NIBAN2: variants seen among roughly 807,000 people sequenced by gnomAD.
NIBAN2 encodes protein Niban 2.
A neutral mutation model predicts 81.8 loss-of-function variants in NIBAN2; 36 were observed. The observed-to-expected ratio is 0.44, with a 90% CI of 0.34 to 0.58. The LOEUF (loss-of-function observed/expected upper bound fraction) is 0.58, where lower values mean the gene tolerates loss of function less well. NIBAN2 is among the 20% of genes least tolerant of loss of function. NIBAN2 has a pLI of 0.02. For missense variants in NIBAN2, 897 were observed against 1,014.1 expected, an observed-to-expected ratio of 0.88 and a Z score of 1.57; for synonymous variants, 445 against 441.6, an observed-to-expected ratio of 1.01 and a Z score of -0.10.
rs567090015 is a variant in NIBAN2 at position 127,543,343 on chromosome 9, C to T, written c.56-11565G>A. Among the ~76,000 whole-genome samples the T allele has an allele frequency of 1.2e-3, 182 of 152,314 alleles. 1 individual carries two copies. The highest frequency in any genetic ancestry group is 2.1e-3 in the Non-Finnish European group (143 of 68,030). On this transcript the variant is annotated intron_variant, in intron 1 of 13. Coordinates refer to ENST00000373312, the MANE Select transcript of NIBAN2 (RefSeq NM_022833.4). ...CAGGAAGTGGTACAGGAATCACCCC[C>T]GATCAAGACAGAGGCTGGAAGGTCC...
chr9:127,509,837 CCT>C (rs1836699400), intron 9 of NIBAN2: 1 of 160,318 alleles, frequency 6.2e-6, no homozygotes. Flanking sequence ...TCCCTCCTTC[CCT>C]CTCCCCTCCT....
chr9:127,564,297 A>G (rs1837821585), intron 1 of NIBAN2, among the ~76,000 whole-genome samples: 1 of 151,714 alleles, frequency 6.6e-6, no homozygotes, highest in South Asian at 2.1e-4. Flanking sequence ...TGTATCAAAA[A>G]AAAAAAAAAA....
Position 127,517,010 on chromosome 9 carries a change from C to T in NIBAN2, c.820G>A (p.Ala274Thr), listed in dbSNP as rs901693409. The T allele has an allele frequency of 1.2e-6, 2 of 1,613,330 alleles. No individual in the cohort carries two copies. The highest frequency in any genetic ancestry group is 1.7e-6 in the Non-Finnish European group (2 of 1,179,574). ...TGCTCGTACACCATGTGGTACACGG[C>T]GTCCGAGATCTGTGGGCAGAGCAGC... is the stretch of plus-strand genomic sequence containing the variant. ...RQRQWIQISD[A>T]VYHMVYEQAK... Residue 274 changes from alanine to threonine, a missense_variant, in exon 8 of 14, where the codon GCC becomes ACC. This residue lies in a region of NIBAN2 where 619 missense variants were observed against 691.0 expected (regional missense o/e 0.90). Coordinates refer to ENST00000373312, the MANE Select transcript of NIBAN2 (RefSeq NM_022833.4). The surrounding 1 kb of genome is among the most constrained non-coding windows in gnomAD (Gnocchi z 4.0).
At chr9:127,523,922 T>A in intron 4 of NIBAN2, 76 bp from the exon 5 acceptor site, 1 of 1,489,360 alleles carries the variant, frequency 6.7e-7, no homozygotes, top group Non-Finnish European at 9.3e-7. Context: ...AACTGATCCC[T>A]TGGCATCAGC....
chr9:127,576,373 A>G (rs1010480535), intron 1 of NIBAN2, among the ~76,000 whole-genome samples: 1 of 152,082 alleles, frequency 6.6e-6, no homozygotes, highest in African/African-American at 2.4e-5. Context: ...CCGCCTTCCC[A>G]GGCACAAATT....
At chr9:127,566,864 T>G (rs1229851675) in intron 1 of NIBAN2, among the ~76,000 whole-genome samples, 1 of 152,040 alleles carries the variant, frequency 6.6e-6, no homozygotes, top group Non-Finnish European at 1.5e-5. Flanking sequence ...CTGGGGAGAC[T>G]GGGAGGCTTC....
At position 127,525,085 on chromosome 9, in the gene NIBAN2, G is replaced by C. The variant is rs1837035495; in HGVS notation, c.394C>G (p.Leu132Val). The C allele has an allele frequency of 6.2e-7, 1 of 1,614,010 alleles. No homozygotes were observed. Among genetic ancestry groups the C allele is most frequent in the Non-Finnish European group, 8.5e-7 (1 of 1,179,950 alleles). The change falls in exon 4 of 14, where the codon CTG (leucine) becomes GTG (valine). Residue 132 changes from leucine (L) to valine (V), a missense_variant. Leu to Val is a conservative substitution (Grantham distance 32). Transcript: ENST00000373312. ...GGTAAGGAGTTGCCAATGAGCTCCA[G>C]GTATTGGTCCACGGACGTGAGGATT... ...YKILTSVDQY[L>V]ELIGNSLPGT...
intron 1 of NIBAN2, among the ~76,000 whole-genome samples, chr9:127,577,705 T>C (rs975955071): frequency 6.6e-6 from 1 of 152,194 alleles, no homozygotes; most frequent in Non-Finnish European, 1.5e-5. Flanking sequence ...TTCTCTGCTA[T>C]ATCTTTTTGT....
chr9:127,574,882 C>T (rs1837989830), intron 1 of NIBAN2, among the ~76,000 whole-genome samples: 1 of 152,204 alleles, frequency 6.6e-6, no homozygotes, highest in Non-Finnish European at 1.5e-5. Flanking sequence ...CACCTGGCCT[C>T]AGGCTGCTAA....
upstream of NIBAN2, among the ~76,000 whole-genome samples, chr9:127,569,267 A>T (rs1428870799): frequency 7.0e-6 from 1 of 142,526 alleles, no homozygotes. Context: ...CCCGCCCCGT[A>T]TGCCCCGCCC....
intron 8 of NIBAN2, among the ~76,000 whole-genome samples, chr9:127,513,191 T>A (rs578140086): frequency 6.6e-4 from 101 of 152,178 alleles, no homozygotes; most frequent in African/African-American, 2.4e-3. Flanking sequence ...GGGCCTCCCC[T>A]GTGGGAGCAA....
intron 1 of NIBAN2, among the ~76,000 whole-genome samples, chr9:127,558,104 G>C (rs562473095): frequency 1.3e-5 from 2 of 151,954 alleles, no homozygotes; most frequent in East Asian, 3.9e-4. Context: ...TGGGAGGGGA[G>C]TGTGGCTTTG....
Position 127,508,530 on chromosome 9 carries a change from G to A in NIBAN2, c.1326C>T (p.Asp442=). The change falls in exon 11 of 14, where the codon GAC becomes GAT. Residue 442 remains aspartate, a synonymous_variant. Transcript: ENST00000373312. This position sits in a 1 kb window ranked among gnomAD's most constrained non-coding sequence, Gnocchi z 6.4. ...RAQIHMREQM[D]NAVYTFETLL... is the part of the protein sequence containing the mutation. The stretch of plus-strand genomic sequence containing the variant: ...GGGTCTCGAACGTATACACGGCATT[G>A]TCCATTTGCTGCAGGGCATACCGCG... The A allele has an allele frequency of 6.2e-7, 1 of 1,613,538 alleles. No individual in the cohort carries two copies.
At chr9:127,548,938 C>T (rs916240954) in intron 1 of NIBAN2, among the ~76,000 whole-genome samples, 1 of 152,142 alleles carries the variant, frequency 6.6e-6, no homozygotes, top group African/African-American at 2.4e-5. Flanking sequence ...CCTCAGATGC[C>T]CAGGATAAGG....
chr9:127,575,688 C>A (rs937692695), intron 1 of NIBAN2, among the ~76,000 whole-genome samples: 18 of 152,162 alleles, frequency 1.2e-4, no homozygotes, highest in African/African-American at 3.9e-4. Context: ...CGCCACTATG[C>A]CTGGTTAATT....
upstream of NIBAN2, among the ~76,000 whole-genome samples, chr9:127,572,274 A>G (rs572593661): frequency 1.3e-5 from 2 of 152,348 alleles, no homozygotes; most frequent in Non-Finnish European, 2.9e-5. Flanking sequence ...TAAGCCTCCC[A>G]GAGTGCTGGG....
At chr9:127,518,834 C>T (rs1380467896) in intron 5 of NIBAN2, among the ~76,000 whole-genome samples, 7 of 152,232 alleles carry the variant, frequency 4.6e-5, no homozygotes, top group Non-Finnish European at 1.0e-4. Flanking sequence ...TGTCCTGTTA[C>T]TGCTAAGTCC....
Position 127,517,283 on chromosome 9 carries a change from A to G in NIBAN2, c.706-67T>C. 1.3e-5 allele frequency: 18 copies of G among 1,414,222 alleles called. No individual in the cohort carries two copies. In the South Asian group the frequency reaches 1.9e-4, roughly 15 times the overall value. 87.6% of individuals were successfully genotyped at this position (1,414,222 alleles called of 1,614,324 possible). A position where few individuals can be genotyped will look rare whatever the true frequency, so the allele number is the denominator to read the frequency against. ...GCTCAGCTGGCCTGTTTCTCTCTGC[A>G]TTCCCACAAGCCAGGCCGCTGCAGC... On this transcript the variant is annotated intron_variant, in intron 6 of 13. Transcript: ENST00000373312. The surrounding 1 kb of genome is among the most constrained non-coding windows in gnomAD (Gnocchi z 4.0).
chr9:127,540,928 C>T (rs1049189326), intron 1 of NIBAN2, among the ~76,000 whole-genome samples: 1 of 152,230 alleles, frequency 6.6e-6, no homozygotes, highest in Non-Finnish European at 1.5e-5. Flanking sequence ...CCGACTGAAA[C>T]CAGGCAGGTA....
Sources: allele counts gnomAD v4.1 joint callset (sites outside exome capture counted in the v4.1 genomes callset), GRCh38; gene constraint gnomAD v4.1.1; regional missense constraint gnomAD v4.1.1; non-coding constraint Gnocchi (gnomAD v3.1); transcripts MANE v1.5; gene names NCBI Gene and HGNC (gene_info 2026-07-23, HGNC 2026-07-21).